KCNQ5: variants seen among roughly 807,000 people sequenced by gnomAD.
KCNQ5 encodes the protein potassium voltage-gated channel subfamily KQT member 5.
A neutral mutation model predicts 98.2 loss-of-function variants in KCNQ5; 30 were observed. That is an observed-to-expected ratio of 0.31 (90% confidence interval 0.23 to 0.41). KCNQ5 has a LOEUF of 0.41. Among genes scored for constraint, KCNQ5 ranks in the 10% least tolerant of loss-of-function variants. The probability of loss-of-function intolerance (pLI) is 1.00; values close to 1 mark genes in which losing one functional copy is unlikely to be tolerated. For missense variants in KCNQ5, 835 were observed against 1,182.5 expected, an observed-to-expected ratio of 0.71 and a Z score of 4.31; for synonymous variants, 458 against 449.4, an observed-to-expected ratio of 1.02 and a Z score of -0.24.
chr6:72,827,230 G>A (rs1776043676), intron 1 of KCNQ5, among the ~76,000 whole-genome samples: 1 of 152,044 alleles, frequency 6.6e-6, no homozygotes, highest in Non-Finnish European at 1.5e-5. Context: ...CTTTCCTTTG[G>A]ATAAGTTCCC....
intron 3 of KCNQ5, among the ~76,000 whole-genome samples, chr6:73,050,427 G>GAATTATT (rs1350598371): frequency 6.6e-6 from 1 of 152,266 alleles, no homozygotes; most frequent in East Asian, 1.9e-4. Flanking sequence ...AATAACTTTA[G>GAATTATT]ACTTACTTAG....
intron 11 of KCNQ5, among the ~76,000 whole-genome samples, chr6:73,185,675 G>A (rs1778545639): frequency 6.6e-6 from 1 of 152,206 alleles, no homozygotes; most frequent in Non-Finnish European, 1.5e-5. Context: ...ATAGAGGCCA[G>A]TTTATAAACA....
At position 72,865,960 on chromosome 6, in the gene KCNQ5, GACAA is replaced by G. The variant is rs1777960373; in HGVS notation, c.399-137944_399-137941del. On this transcript the variant is annotated intron_variant, in intron 1 of 13. Coordinates refer to ENST00000370398, the MANE Select transcript of KCNQ5 (RefSeq NM_019842.4). Reference sequence around the variant, plus strand: ...CCTGTGTCAACTTGCCTGGTAGACAGACAAACATTTTATTGAACATATACTATAT... The same window carrying G: ...CCTGTGTCAACTTGCCTGGTAGACAGACATTTTATTGAACATATACTATAT... Among the ~76,000 whole-genome samples the G allele has an allele frequency of 3.3e-5, 5 of 152,166 alleles. No individual in the cohort carries two copies. The South Asian group carries it at 1.0e-3, about 32-fold the overall frequency.
intron 10 of KCNQ5, among the ~76,000 whole-genome samples, chr6:73,165,731 G>A (rs1777766883): frequency 2.0e-5 from 3 of 151,836 alleles, no homozygotes; most frequent in Non-Finnish European, 2.9e-5. Context: ...GATCACCTGA[G>A]GTCAGGAGTT....
intron 1 of KCNQ5, among the ~76,000 whole-genome samples, chr6:72,787,986 G>A (rs1012127331): frequency 3.9e-5 from 6 of 152,200 alleles, no homozygotes; most frequent in African/African-American, 1.4e-4. Flanking sequence ...TTTCCTGGTT[G>A]CCTCAGTGCC....
At chr6:72,878,193 C>G (rs1471519671) in intron 1 of KCNQ5, among the ~76,000 whole-genome samples, 3 of 152,190 alleles carry the variant, frequency 2.0e-5, no homozygotes, top group Admixed American at 6.5e-5. Flanking sequence ...TCGCCTGAAC[C>G]TGGGAGGCAG....
intron 1 of KCNQ5, among the ~76,000 whole-genome samples, chr6:72,771,684 GTA>G (rs1216040025): frequency 4.0e-5 from 6 of 150,536 alleles, no homozygotes; most frequent in African/African-American, 1.5e-4. Flanking sequence ...GTGTGTGTGT[GTA>G]TAACATCATG....
At chr6:72,673,453 A>G (rs541578679) in intron 1 of KCNQ5, among the ~76,000 whole-genome samples, 1 of 152,278 alleles carries the variant, frequency 6.6e-6, no homozygotes, top group African/African-American at 2.4e-5. Context: ...AGTATAGTAA[A>G]CAACAGAACA....
At chr6:72,803,050 C>T (rs1774741947) in intron 1 of KCNQ5, among the ~76,000 whole-genome samples, 1 of 152,096 alleles carries the variant, frequency 6.6e-6, no homozygotes, top group Admixed American at 6.6e-5. Context: ...TGCACCAGGA[C>T]ATTTGTTCAG....
At chr6:72,657,437 C>T (rs1766254859) in intron 1 of KCNQ5, among the ~76,000 whole-genome samples, 1 of 152,132 alleles carries the variant, frequency 6.6e-6, no homozygotes, top group Non-Finnish European at 1.5e-5. Context: ...GATTAATTCA[C>T]CCAGTTGACA....
At chr6:73,164,916 A>G (rs1458857093) in intron 10 of KCNQ5, among the ~76,000 whole-genome samples, 1 of 152,176 alleles carries the variant, frequency 6.6e-6, no homozygotes, top group African/African-American at 2.4e-5. Context: ...AGATGAGGGA[A>G]AGCAGTCATA....
chr6:73,156,471 T>C (rs1458132067), intron 10 of KCNQ5, among the ~76,000 whole-genome samples: 1 of 152,034 alleles, frequency 6.6e-6, no homozygotes, highest in Non-Finnish European at 1.5e-5. Flanking sequence ...CCATCTCTAC[T>C]AAAAATAGCC....
chr6:72,897,461 G>A (rs2150189632), intron 1 of KCNQ5, among the ~76,000 whole-genome samples: 1 of 152,262 alleles, frequency 6.6e-6, no homozygotes, highest in East Asian at 1.9e-4. Flanking sequence ...AGGATCGCTT[G>A]AACCTGGGAG....
chr6:73,161,444 T>C (rs1777611011), intron 10 of KCNQ5, among the ~76,000 whole-genome samples: 1 of 152,216 alleles, frequency 6.6e-6, no homozygotes, highest in Admixed American at 6.5e-5. Context: ...ATATTTCAAA[T>C]AGCTCAAATA....
chr6:72,962,896 G>A (rs1378562803), intron 1 of KCNQ5, among the ~76,000 whole-genome samples: 1 of 151,994 alleles, frequency 6.6e-6, no homozygotes, highest in Non-Finnish European at 1.5e-5. Context: ...TAGGAATTTT[G>A]TTACCTGAGG....
chr6:73,067,688 G>A (rs984610963), intron 3 of KCNQ5, among the ~76,000 whole-genome samples: 2 of 152,044 alleles, frequency 1.3e-5, no homozygotes, highest in Non-Finnish European at 2.9e-5. Context: ...ATACATCAGA[G>A]GTACTCAATA....
At chr6:73,077,969 G>T in intron 5 of KCNQ5, 82 bp downstream of exon 5, 1 of 1,115,212 alleles carries the variant, frequency 9.0e-7, no homozygotes, top group Non-Finnish European at 1.3e-6. Flanking sequence ...CCTATGGATG[G>T]TTTCAATAAA....
chr6:72,812,376 G>A (rs1291443891), intron 1 of KCNQ5, among the ~76,000 whole-genome samples: 1 of 152,118 alleles, frequency 6.6e-6, no homozygotes. Context: ...TACAATGCGT[G>A]GGCCAGCACT....
At position 73,147,487 on chromosome 6, in the gene KCNQ5, A is replaced by G. The variant is rs78808308; in HGVS notation, c.1468+13846A>G. ...CTTGGAGTGAGTTTTAAGAGTCCTCATGTTGAATAATTCATGTAATCACAG... is the reference window on the plus strand; with the variant it reads ...CTTGGAGTGAGTTTTAAGAGTCCTCGTGTTGAATAATTCATGTAATCACAG... On this transcript the variant is annotated intron_variant, in intron 10 of 13. Transcript: ENST00000370398. 2.1e-3 allele frequency among the ~76,000 whole-genome samples: 318 copies of G among 152,202 alleles called. 1 individual carries two copies. Among genetic ancestry groups the G allele is most frequent in the African/African-American group, 6.9e-3 (288 of 41,518 alleles).
Sources: gnomAD v4.1 joint callset for allele counts (sites outside exome capture counted in the v4.1 genomes callset) on GRCh38, gnomAD v4.1.1 for gene constraint, MANE v1.5 for transcripts, NCBI Gene and HGNC (gene_info 2026-07-23, HGNC 2026-07-21) for gene names.